ARB2A: variants seen among roughly 807,000 people sequenced by gnomAD.
The protein encoded by ARB2A is ARB2 cotranscriptional regulator A, also known as cotranscriptional regulator ARB2A.
At chr5:94,067,204 G>A in the ARB2A span, among the ~76,000 whole-genome samples, 2 of 152,034 alleles carry the variant, frequency 1.3e-5, no homozygotes, top group African/African-American at 2.4e-5. Flanking sequence ...CATAATAAAG[G>A]TCATATGTAA....
the ARB2A span, among the ~76,000 whole-genome samples, chr5:93,953,741 G>A: frequency 6.6e-6 from 1 of 152,008 alleles, no homozygotes; most frequent in African/African-American, 2.4e-5. Flanking sequence ...CTCAGCCCTG[G>A]GCAGCTCCAG....
chr5:93,946,726 C>A, the ARB2A span, among the ~76,000 whole-genome samples: 1 of 152,118 alleles, frequency 6.6e-6, no homozygotes, highest in South Asian at 2.1e-4. Flanking sequence ...AAAGATAACA[C>A]TTATTTTGAT....
At chr5:94,098,436 T>C in the ARB2A span, among the ~76,000 whole-genome samples, 77 of 152,214 alleles carry the variant, frequency 5.1e-4, no homozygotes, top group African/African-American at 1.8e-3. Context: ...TTGAAAATAA[T>C]GAGAACAAAG....
the ARB2A span, among the ~76,000 whole-genome samples, chr5:93,721,883 G>A: frequency 1.3e-5 from 2 of 152,122 alleles, no homozygotes; most frequent in African/African-American, 4.8e-5. Context: ...AAAAATTATA[G>A]GAATTTCATG....
the ARB2A span, among the ~76,000 whole-genome samples, chr5:94,003,227 C>CA: frequency 1.4e-4 from 21 of 151,926 alleles, no homozygotes; most frequent in Non-Finnish European, 2.5e-4. Flanking sequence ...AGAGTATCAA[C>CA]AAAAAACCTA....
the ARB2A span, among the ~76,000 whole-genome samples, chr5:93,859,723 T>G: frequency 6.6e-6 from 1 of 152,108 alleles, no homozygotes; most frequent in Non-Finnish European, 1.5e-5. Context: ...ACAACCTAAC[T>G]AGTAATAAGG....
chr5:93,831,195 C>T, the ARB2A span, among the ~76,000 whole-genome samples: 1 of 151,742 alleles, frequency 6.6e-6, no homozygotes, highest in Non-Finnish European at 1.5e-5. Flanking sequence ...GACTGGTACC[C>T]ATCTGTGACC....
the ARB2A span, chr5:93,741,406 C>T: frequency 1.2e-6 from 2 of 1,613,374 alleles, no homozygotes; most frequent in South Asian, 1.1e-5. Flanking sequence ...TGGGCAGATC[C>T]CTGGCCTGAC....
the ARB2A span, among the ~76,000 whole-genome samples, chr5:93,968,477 A>G: frequency 1.3e-5 from 2 of 152,292 alleles, no homozygotes; most frequent in Admixed American, 1.3e-4. Flanking sequence ...GAAAGACTCA[A>G]TGAGCTTAAA....
the ARB2A span, among the ~76,000 whole-genome samples, chr5:93,954,412 G>A: frequency 1.3e-5 from 2 of 151,896 alleles, no homozygotes; most frequent in African/African-American, 2.4e-5. Context: ...TAGAAATGTC[G>A]TCTGGAATCT....
the ARB2A span, among the ~76,000 whole-genome samples, chr5:93,696,007 G>A: frequency 2.6e-5 from 4 of 152,158 alleles, no homozygotes; most frequent in Non-Finnish European, 4.4e-5. Flanking sequence ...GACACAGGGA[G>A]AGGAACATCA....
chr5:93,924,657 T>C, the ARB2A span, among the ~76,000 whole-genome samples: 2 of 152,016 alleles, frequency 1.3e-5, no homozygotes, highest in Admixed American at 1.3e-4. Context: ...AAGTAGTGAA[T>C]AGGAAACAAA....
the ARB2A span, among the ~76,000 whole-genome samples, chr5:94,043,226 A>C: frequency 1.3e-5 from 2 of 152,290 alleles, no homozygotes; most frequent in Admixed American, 1.3e-4. Flanking sequence ...GATTTAACTG[A>C]ATAGACTGAA....
chr5:93,984,061 GA>G, the ARB2A span, among the ~76,000 whole-genome samples: 2 of 152,016 alleles, frequency 1.3e-5, no homozygotes, highest in African/African-American at 4.8e-5. Flanking sequence ...ATAATCTATA[GA>G]ATAATATTTT....
At chr5:93,902,202 AT>A in the ARB2A span, among the ~76,000 whole-genome samples, 1 of 152,148 alleles carries the variant, frequency 6.6e-6, no homozygotes, top group African/African-American at 2.4e-5. Context: ...AAAATTATAA[AT>A]AAATCACCAT....
At chr5:93,779,033 C>A in the ARB2A span, among the ~76,000 whole-genome samples, 1 of 151,730 alleles carries the variant, frequency 6.6e-6, no homozygotes, top group African/African-American at 2.4e-5. Context: ...TCCAAAAGTT[C>A]TCTGCAATGA....
At chr5:93,915,182 C>T in the ARB2A span, among the ~76,000 whole-genome samples, 1 of 151,988 alleles carries the variant, frequency 6.6e-6, no homozygotes, top group South Asian at 2.1e-4. Flanking sequence ...TCAATGACCA[C>T]AAGTTTTTCA....
At chr5:93,890,229 T>C in the ARB2A span, among the ~76,000 whole-genome samples, 1 of 151,960 alleles carries the variant, frequency 6.6e-6, no homozygotes, top group East Asian at 1.9e-4. Flanking sequence ...TAAAAACAAA[T>C]GGGATAATTA....
At chr5:93,819,185 CAAAAAAAAAAA>C in the ARB2A span, among the ~76,000 whole-genome samples, 2 of 93,174 alleles carry the variant, frequency 2.1e-5, no homozygotes, top group South Asian at 9.4e-4. Flanking sequence ...AACTCCGTCT[CAAAAAAAAAAA>C]AAAAAAAAAG....
Sources: allele counts gnomAD v4.1 joint callset (sites outside exome capture counted in the v4.1 genomes callset), GRCh38; gene constraint gnomAD v4.1.1; transcripts MANE v1.5; gene names NCBI Gene and HGNC (gene_info 2026-07-23, HGNC 2026-07-21).